F5: variants seen among roughly 807,000 people sequenced by gnomAD.
F5 encodes activated protein c cofactor.
Under a neutral mutation model 216.4 loss-of-function variants are expected in F5, and 138 were observed. That is an observed-to-expected ratio of 0.64 (90% CI 0.56 to 0.73). The LOEUF (loss-of-function observed/expected upper bound fraction) is 0.73, where lower values mean the gene tolerates loss of function less well. Ranked by LOEUF, F5 falls within the 30% of genes least tolerant of loss-of-function variation. The probability of loss-of-function intolerance (pLI) is 0.00; values close to 1 mark genes in which losing one functional copy is unlikely to be tolerated. For missense variants in F5, 2,403 were observed against 2,674.0 expected, an observed-to-expected ratio of 0.90 and a Z score of 2.24; for synonymous variants, 916 against 930.7, an observed-to-expected ratio of 0.98 and a Z score of 0.29.
intron 1 of F5, among the ~76,000 whole-genome samples, chr1:169,582,898 T>A (rs1437691655): frequency 6.6e-6 from 1 of 152,244 alleles, no homozygotes; most frequent in African/African-American, 2.4e-5. Flanking sequence ...TTTCAACTGA[T>A]CAATCAAATA....
chr1:169,512,277 G>A lies in F5; in HGVS notation c.*2036C>T, dbSNP rs1446475364. 2.0e-5 allele frequency among the ~76,000 whole-genome samples: 3 copies of A among 151,922 alleles called. No individual in the cohort carries two copies. The highest frequency in any genetic ancestry group is 2.9e-5 in the Non-Finnish European group (2 of 67,942). Reference sequence around the variant, plus strand: ...TTATTTTTCTCAAGTAGAGAATAACGAAGCTGGATCTCATGCTCCATTCCC... The same window carrying A: ...TTATTTTTCTCAAGTAGAGAATAACAAAGCTGGATCTCATGCTCCATTCCC... On this transcript the variant is annotated 3_prime_UTR_variant, in exon 25 of 25. Coordinates refer to ENST00000367797, the MANE Select transcript of F5 (RefSeq NM_000130.5).
chr1:169,556,533 A>C (rs778741253), intron 6 of F5, 113 bp downstream of exon 6: 2 of 972,296 alleles, frequency 2.1e-6, no homozygotes, highest in African/African-American at 1.6e-5. Context: ...GGAACTGAGG[A>C]AAGTTTGTCT....
chr1:169,549,593 C>T (rs1302935825), intron 10 of F5, among the ~76,000 whole-genome samples: 2 of 151,228 alleles, frequency 1.3e-5, no homozygotes, highest in East Asian at 1.9e-4. Context: ...ACACTCTAGA[C>T]TTGCCTTCGG....
intron 13 of F5, among the ~76,000 whole-genome samples, chr1:169,540,016 T>C (rs1463278127): frequency 6.6e-6 from 1 of 152,126 alleles, no homozygotes; most frequent in Non-Finnish European, 1.5e-5. Context: ...TAAGAGTCAG[T>C]AGAAACATGG....
Position 169,555,200 on chromosome 1 carries a change from A to C in F5, c.1100T>G (p.Ile367Arg). ...AACTCACTTGTCCATATTCGCTGGT[A>C]TTACAGGTGCATAGTCCCAAATGAC... ...EEVIWDYAPV[I>R]PANMDKKYRS... is the part of the protein sequence containing the mutation. The change falls in exon 7 of 25, where the codon ATA becomes AGA. Residue 367 changes from isoleucine (I) to arginine (R), a missense_variant. Physicochemically the swap from Ile to Arg is moderately conservative, Grantham distance 97 (BLOSUM62 -3). Transcript: ENST00000367797. 1 of 1,614,132 alleles carries C rather than the reference A, an allele frequency of 6.2e-7. No individual in the cohort carries two copies. The highest frequency in any genetic ancestry group is 8.5e-7 in the Non-Finnish European group (1 of 1,179,998).
At chr1:169,566,106 A>T (rs892851431) in intron 3 of F5, among the ~76,000 whole-genome samples, 1 of 152,122 alleles carries the variant, frequency 6.6e-6, no homozygotes, top group African/African-American at 2.4e-5. Flanking sequence ...CTCTCAGGTC[A>T]GAACTTGTCT....
chr1:169,559,147 T>C lies in F5; in HGVS notation c.730+6A>G, dbSNP rs905963680. On this transcript the variant is annotated splice_donor_region_variant and intron_variant, in intron 5 of 24. Transcript: ENST00000367797. ...GTTGTTTAATGGTACACAGCCCTCG[T>C]GTTACCTGGCATTGTCCCATTCACA... 1.9e-6 allele frequency: 3 copies of C among 1,613,568 alleles called. No individual in the cohort carries two copies. In the African/African-American group the frequency reaches 4.0e-5, roughly 22 times the overall value.
At position 169,582,443 on chromosome 1, in the gene F5, A is replaced by G. The variant is rs760150193; in HGVS notation, c.238T>C (p.Ser80Pro). The change falls in exon 2 of 25, where the codon TCT becomes CCT. Residue 80 changes from serine to proline, a missense_variant. Physicochemically the swap from Ser to Pro is moderately conservative, Grantham distance 74. Around this residue, in one of 4 missense-constraint regions of F5, gnomAD observed 1,425 missense variants for 1,554.8 expected, o/e 0.92. Coordinates refer to ENST00000367797, the MANE Select transcript of F5 (RefSeq NM_000130.5). ...EPYFKKEKPQ[S>P]TISGLLGPTL... The stretch of plus-strand genomic sequence containing the variant: ...ATTTCAGGCTTACCTGAAATGGTAG[A>G]TTGTGGTTTTTCTTTCTTAAAATAT... 6.5e-7 allele frequency: 1 copy of G among 1,528,482 alleles called. No individual in the cohort carries two copies. 94.7% of individuals were successfully genotyped at this position (1,528,482 alleles called of 1,614,324 possible).
intron 15 of F5, among the ~76,000 whole-genome samples, chr1:169,530,363 T>C (rs1432701527): frequency 6.6e-6 from 1 of 152,192 alleles, no homozygotes; most frequent in Non-Finnish European, 1.5e-5. Context: ...ACAGATAAAA[T>C]TGTATGCATA....
At chr1:169,556,553 G>A in intron 6 of F5, 93 bp downstream of exon 6, 1 of 1,207,014 alleles carries the variant, frequency 8.3e-7, no homozygotes, top group African/African-American at 1.5e-5. Flanking sequence ...TGCGGTGCAG[G>A]TGGCTTGAAA....
At chr1:169,522,054 A>G (rs1171703332) in intron 21 of F5, among the ~76,000 whole-genome samples, 1 of 152,054 alleles carries the variant, frequency 6.6e-6, no homozygotes, top group East Asian at 1.9e-4. Flanking sequence ...TATACAAACA[A>G]CTCTACACAT....
At chr1:169,578,784 G>C (rs942265404) in intron 2 of F5, among the ~76,000 whole-genome samples, 12 of 152,028 alleles carry the variant, frequency 7.9e-5, no homozygotes, top group Admixed American at 7.2e-4. Context: ...AATTTTATTT[G>C]CAACGTTATC....
intron 6 of F5, 97 bp from the exon 7 acceptor site, chr1:169,555,444 T>C (rs955624363): frequency 2.8e-5 from 36 of 1,277,052 alleles, no homozygotes; most frequent in Non-Finnish European, 3.8e-5. Flanking sequence ...AAGGTTTATA[T>C]TAATATAATA....
chr1:169,566,918 T>C (rs1335589672), intron 3 of F5, among the ~76,000 whole-genome samples: 1 of 152,044 alleles, frequency 6.6e-6, no homozygotes, highest in Non-Finnish European at 1.5e-5. Context: ...AAGATAGATC[T>C]TAAGTGTGCT....
At chr1:169,553,670 A>C (rs549363205) in intron 7 of F5, among the ~76,000 whole-genome samples, 27 of 152,318 alleles carry the variant, frequency 1.8e-4, no homozygotes, top group African/African-American at 3.6e-4. Context: ...TGCAGTGAGC[A>C]GAGATTGCGC....
chr1:169,571,819 G>T (rs1411107412), intron 3 of F5, among the ~76,000 whole-genome samples: 1 of 152,178 alleles, frequency 6.6e-6, no homozygotes, highest in Non-Finnish European at 1.5e-5. Flanking sequence ...CTAAAAGGCA[G>T]AGTTGAGTAC....
At position 169,586,379 on chromosome 1, in the gene F5, G is replaced by C; in HGVS notation, c.8C>G (p.Pro3Arg). The change falls in exon 1 of 25, where the codon CCA (proline) becomes CGA (arginine). Residue 3 changes from proline (P) to arginine (R), a missense_variant. Pro to Arg is a moderately radical substitution (Grantham distance 103). Transcript: ENST00000367797. ...CAGGACCCAGAGGCGTGGGCAGCCT[G>C]GGAACATGCTTCCTTTCCTGCTCCC... MF[P>R]GCPRLWVLVV... The C allele has an allele frequency of 6.2e-7, 1 of 1,613,138 alleles. No individual in the cohort carries two copies. Among genetic ancestry groups the C allele is most frequent in the South Asian group, 1.1e-5 (1 of 91,050 alleles).
rs9332623 is a variant in F5, at chr1:169,529,122, A to G, written c.5419+486T>C. Among the ~76,000 whole-genome samples the G allele has an allele frequency of 0.056, 8,564 of 152,110 alleles. 1,277 individuals carry two copies. In the East Asian group the frequency reaches 0.63, roughly 11 times the overall value. ...CTATTCTCCTATTACCTGGGTACCT[A>G]GTTTCTTATCTCATTTTGTTCTCAT... is the stretch of plus-strand genomic sequence containing the variant. On this transcript the variant is annotated intron_variant, in intron 16 of 24. Transcript: ENST00000367797.
At chr1:169,574,908 T>C (rs1401485704) in intron 2 of F5, among the ~76,000 whole-genome samples, 1 of 152,178 alleles carries the variant, frequency 6.6e-6, no homozygotes, top group Non-Finnish European at 1.5e-5. Flanking sequence ...ATTGCAATGG[T>C]GCGTAAAAGA....
Sources: allele counts gnomAD v4.1 joint callset (sites outside exome capture counted in the v4.1 genomes callset), GRCh38; gene constraint gnomAD v4.1.1; regional missense constraint gnomAD v4.1.1; transcripts MANE v1.5; gene names NCBI Gene and HGNC (gene_info 2026-07-23, HGNC 2026-07-21).